The following HMGXB4 variants were observed in gnomAD, a reference collection of about 807,000 sequenced individuals.
HMGXB4 encodes the protein HMG domain-containing protein 4.
In HMGXB4, 27 loss-of-function variants were observed where a neutral mutation model predicts 63.9. That is an observed-to-expected ratio of 0.42 (90% CI 0.31 to 0.58). The LOEUF (loss-of-function observed/expected upper bound fraction) is 0.58. Among genes scored for constraint, HMGXB4 ranks in the 20% least tolerant of loss-of-function variants. The pLI is 0.13. For synonymous variants in HMGXB4, 264 were observed against 265.3 expected, an observed-to-expected ratio of 0.99 and a Z score of 0.05; for missense variants, 624 against 700.7, an observed-to-expected ratio of 0.89 and a Z score of 1.24.
Position 35,265,419 on chromosome 22 carries a change from G to C in HMGXB4, c.1031G>C (p.Arg344Thr). ...HKEKRHSKSK[R>T]SLGLSAVPVG... ...GAGAAGCGACACTCCAAGTCCAAGA[G>C]AAGTTTAGGACTTTCTGCCGTGCCA... The change falls in exon 5 of 11, where the codon AGA becomes ACA. Residue 344 changes from arginine (R) to threonine (T), a missense_variant. Around this residue, in one of 2 missense-constraint regions of HMGXB4, gnomAD observed 472 missense variants for 470.6 expected, o/e 1.00. Transcript: ENST00000216106. 1 of 1,614,170 alleles carries C rather than the reference G, an allele frequency of 6.2e-7. No homozygotes were observed. The highest frequency in any genetic ancestry group is 1.3e-5 in the African/African-American group (1 of 75,038).
At chr22:35,272,253 A>C (rs140649410) in intron 5 of HMGXB4, among the ~76,000 whole-genome samples, 10 of 152,298 alleles carry the variant, frequency 6.6e-5, no homozygotes, top group African/African-American at 2.2e-4. Flanking sequence ...GAGGCCAAGG[A>C]GTTCAAGTGC....
rs1601642002 is a variant in HMGXB4 at position 35,285,857 on chromosome 22, T to A, written c.1298-140T>A. ...AAAAATCAAAGAAGAGTGATGGGATTGGGGTTGGTTTTCTGAAAGCATCTT... is the reference window on the plus strand; with the variant it reads ...AAAAATCAAAGAAGAGTGATGGGATAGGGGTTGGTTTTCTGAAAGCATCTT... On this transcript the variant is annotated intron_variant, in intron 6 of 10. Transcript: ENST00000216106. The A allele has an allele frequency of 5.0e-6, 3 of 602,582 alleles. No individual in the cohort carries two copies. The East Asian group carries it at 8.7e-5, about 17-fold the overall frequency. The allele number at this position is 602,582 out of a possible 1,614,324, so 37.3% of individuals were successfully genotyped here.
At chr22:35,253,059 G>A (rs745582315), upstream of HMGXB4, among the ~76,000 whole-genome samples, 1 of 151,108 alleles carries the variant, frequency 6.6e-6, no homozygotes, top group Non-Finnish European at 1.5e-5. Flanking sequence ...TTGAATCCGG[G>A]AGGCGGAGGT....
upstream of HMGXB4, among the ~76,000 whole-genome samples, chr22:35,256,865 T>C (rs1827559975): frequency 6.6e-6 from 1 of 152,224 alleles, no homozygotes; most frequent in Admixed American, 6.5e-5. Flanking sequence ...AAGTTCTCAA[T>C]GGCAAATCAG....
chr22:35,284,166 C>G, intron 6 of HMGXB4, 123 bp downstream of exon 6: 1 of 677,858 alleles, frequency 1.5e-6, no homozygotes. Flanking sequence ...TTCTGCAAAT[C>G]ACTTTAGATT....
chr22:35,289,142 AAAAGAAAG>A (rs71939802), intron 9 of HMGXB4, among the ~76,000 whole-genome samples: 145 of 149,838 alleles, frequency 9.7e-4, no homozygotes, highest in South Asian at 1.7e-3. Flanking sequence ...TCCATCACAA[AAAAGAAAG>A]AAAGAAAGAA....
chr22:35,251,078 GTT>G, the HMGXB4 span, among the ~76,000 whole-genome samples: 80,496 of 145,036 alleles, frequency 0.56, 23,823 homozygotes, highest in Non-Finnish European at 0.67. Context: ...CTTTCTTTCT[GTT>G]TTTTTTTTTT....
At chr22:35,269,101 G>T (rs1923442894) in intron 5 of HMGXB4, among the ~76,000 whole-genome samples, 1 of 152,218 alleles carries the variant, frequency 6.6e-6, no homozygotes, top group African/African-American at 2.4e-5. Context: ...AAGGAGCTGG[G>T]TGCAGTGGCT....
chr22:35,293,637 A>G lies in HMGXB4; in HGVS notation c.1792A>G (p.Met598Val). ...SNTLDNIAYI[M>V]PGL Reference sequence around the variant, plus strand: ...CACATTAGACAACATTGCTTACATCATGCCGGGACTGTGACAGCAAAGAAT... The same window carrying G: ...CACATTAGACAACATTGCTTACATCGTGCCGGGACTGTGACAGCAAAGAAT... Residue 598 changes from methionine (M) to valine (V), a missense_variant, in exon 11 of 11, where the codon ATG (methionine) becomes GTG (valine). Met to Val is a conservative substitution (Grantham distance 21). This residue lies in a region of HMGXB4 where 152 missense variants were observed against 230.1 expected (regional missense o/e 0.66). Transcript: ENST00000216106. 6.2e-7 allele frequency: 1 copy of G among 1,612,084 alleles called. No homozygotes were observed. The highest frequency in any genetic ancestry group is 2.2e-5 in the East Asian group (1 of 44,866).
At chr22:35,274,815 A>T (rs1923810884) in intron 5 of HMGXB4, among the ~76,000 whole-genome samples, 1 of 152,220 alleles carries the variant, frequency 6.6e-6, no homozygotes, top group South Asian at 2.1e-4. Flanking sequence ...TAGAAACCTT[A>T]CTTATCTGCT....
chr22:35,255,501 A>T (rs1203854341), upstream of HMGXB4, among the ~76,000 whole-genome samples: 1 of 152,122 alleles, frequency 6.6e-6, no homozygotes, highest in African/African-American at 2.4e-5. Flanking sequence ...GGTGACAGAG[A>T]AAGACCCTGT....
the HMGXB4 span, among the ~76,000 whole-genome samples, chr22:35,244,905 C>G: frequency 6.6e-6 from 1 of 152,218 alleles, no homozygotes; most frequent in African/African-American, 2.4e-5. Context: ...AATGGCCTTA[C>G]TGAGAACATT....
At chr22:35,282,862 A>G (rs898228234) in intron 5 of HMGXB4, among the ~76,000 whole-genome samples, 1 of 152,240 alleles carries the variant, frequency 6.6e-6, no homozygotes, top group Non-Finnish European at 1.5e-5. Context: ...CTAGATAGGA[A>G]AAACTTAACT....
intron 5 of HMGXB4, among the ~76,000 whole-genome samples, chr22:35,266,707 G>A (rs958609671): frequency 6.6e-6 from 1 of 152,236 alleles, no homozygotes; most frequent in Non-Finnish European, 1.5e-5. Flanking sequence ...CTGGGGCTGG[G>A]TGTGGTGGCT....
chr22:35,282,035 C>T (rs1401201097), intron 5 of HMGXB4, among the ~76,000 whole-genome samples: 2 of 152,136 alleles, frequency 1.3e-5, no homozygotes, highest in Non-Finnish European at 2.9e-5. Context: ...GCAGAGTGCA[C>T]GATCGAGCTT....
In HMGXB4 at chr22:35,295,468, A is replaced by G. The variant is rs1319889396; in HGVS notation, c.*1817A>G. On this transcript the variant is annotated 3_prime_UTR_variant, in exon 11 of 11. Coordinates refer to ENST00000216106, the MANE Select transcript of HMGXB4 (RefSeq NM_001003681.3). ...AGGGTATCTAGGAGGGGCGGGGAAG[A>G]CATGGATAGTATAGGAAGACATTAA... The G allele has an allele frequency of 2.0e-5, 3 of 152,638 alleles. No individual in the cohort carries two copies. Among genetic ancestry groups the G allele is most frequent in the Admixed American group, 2.0e-4 (3 of 15,276 alleles). The allele number at this position is 152,638 out of a possible 1,614,324, so 9.5% of individuals were successfully genotyped here.
intron 1 of HMGXB4, among the ~76,000 whole-genome samples, chr22:35,259,059 T>TA (rs1238712665): frequency 9.2e-5 from 14 of 152,256 alleles, no homozygotes; most frequent in Admixed American, 9.2e-4. Context: ...TTCCTCCTGA[T>TA]TACTTTGGTC....
intron 2 of HMGXB4, 138 bp from the exon 3 acceptor site, chr22:35,262,940 C>G (rs1290318058): frequency 1.3e-6 from 1 of 783,260 alleles, no homozygotes; most frequent in Admixed American, 2.5e-5. Context: ...CTGGGTCTAG[C>G]CCTGTATTTC....
chr22:35,270,501 C>T (rs759146279), intron 5 of HMGXB4, among the ~76,000 whole-genome samples: 1 of 152,180 alleles, frequency 6.6e-6, no homozygotes, highest in Non-Finnish European at 1.5e-5. Flanking sequence ...CGAACTCTGC[C>T]CCTACCCCTG....
Sources: allele counts gnomAD v4.1 joint callset (sites outside exome capture counted in the v4.1 genomes callset), GRCh38; gene constraint gnomAD v4.1.1; regional missense constraint gnomAD v4.1.1; transcripts MANE v1.5; gene names NCBI Gene and HGNC (gene_info 2026-07-23, HGNC 2026-07-21).